Variants in IL1RAPL1 observed in about 807,000 individuals in gnomAD.
IL1RAPL1 encodes interleukin 1 receptor accessory protein like 1.
IL1RAPL1 carries 3 observed loss-of-function variants against 48.4 expected under a neutral mutation model. The observed-to-expected ratio is 0.06, with a 90% CI of 0.03 to 0.16. The LOEUF (loss-of-function observed/expected upper bound fraction) is 0.16. Ranked by LOEUF, IL1RAPL1 falls within the 10% of genes least tolerant of loss-of-function variation. IL1RAPL1 has a pLI of 1.00. For synonymous variants in IL1RAPL1, 185 were observed against 187.7 expected (o/e 0.99, Z 0.12); for missense variants, 349 against 530.6 (o/e 0.66, Z 3.36).
chrX:29,591,514 G>A (rs1923369909), intron 5 of IL1RAPL1, among the ~76,000 whole-genome samples: 1 of 112,032 alleles, frequency 8.9e-6, no homozygotes, highest in African/African-American at 3.2e-5. Context: ...AGGAGCAGAG[G>A]GGGCACCATA....
chrX:29,057,234 A>G (rs1431651109), intron 2 of IL1RAPL1, among the ~76,000 whole-genome samples: 3 of 110,813 alleles, frequency 2.7e-5, no homozygotes, highest in Non-Finnish European at 5.7e-5. Flanking sequence ...TTCTCTTTTG[A>G]TTTATAGCTT....
intron 2 of IL1RAPL1, among the ~76,000 whole-genome samples, chrX:29,233,814 G>A (rs1931243328): frequency 8.9e-6 from 1 of 112,551 alleles, no homozygotes; most frequent in African/African-American, 3.2e-5. Flanking sequence ...TTTATCAGGT[G>A]AAAGCCCCTA....
intron 1 of IL1RAPL1, among the ~76,000 whole-genome samples, chrX:28,737,887 G>A (rs1401076792): frequency 1.8e-5 from 2 of 111,089 alleles, no homozygotes; most frequent in Non-Finnish European, 3.8e-5. Flanking sequence ...AGTTGAATGA[G>A]GCAACCAATG....
chrX:28,981,915 C>G (rs961306291), intron 2 of IL1RAPL1, among the ~76,000 whole-genome samples: 9 of 111,616 alleles, frequency 8.1e-5, no homozygotes, highest in African/African-American at 2.9e-4. Context: ...GTTCATACCC[C>G]CTCTCCCATC....
intron 2 of IL1RAPL1, among the ~76,000 whole-genome samples, chrX:28,864,856 C>T (rs1038430108): frequency 4.5e-5 from 5 of 110,966 alleles, no homozygotes; most frequent in African/African-American, 1.6e-4. Context: ...TTAAAGTTTT[C>T]CCAAGACCCT....
At chrX:29,835,914 G>A (rs1353898084) in intron 6 of IL1RAPL1, among the ~76,000 whole-genome samples, 1 of 98,111 alleles carries the variant, frequency 1.0e-5, no homozygotes, top group Non-Finnish European at 2.0e-5. Flanking sequence ...GTTAGTCTAG[G>A]TAAAGGGTTG....
At chrX:29,382,083 G>A (rs1472487760) in intron 3 of IL1RAPL1, among the ~76,000 whole-genome samples, 4 of 109,573 alleles carry the variant, frequency 3.7e-5, no homozygotes, top group Non-Finnish European at 5.7e-5. Context: ...GAACAGAAGG[G>A]TTTTGAGAGT....
In IL1RAPL1 at chrX:29,921,164, C is replaced by T. The variant is rs781096090; in HGVS notation, c.1057+1070C>T. ...ATAAGTGACAACTGTAAAATGTGAG[C>T]CATTCCTGTTAGTAAAATTGTTTGT... On this transcript the variant is annotated intron_variant, in intron 8 of 10. Transcript: ENST00000378993. 1.7e-4 allele frequency among the ~76,000 whole-genome samples: 19 copies of T among 112,098 alleles called. No individual in the cohort carries two copies. The South Asian group carries it at 4.8e-3, about 28-fold the overall frequency.
rs760549204 is a variant in IL1RAPL1, at chrX:29,652,250, G to A, written c.704-16180G>A. Among the ~76,000 whole-genome samples the A allele has an allele frequency of 3.1e-4, 35 of 111,974 alleles. 1 individual carries two copies. The highest frequency in any genetic ancestry group is 4.6e-3 in the Middle Eastern group (1 of 218). On this transcript the variant is annotated intron_variant, in intron 5 of 10. Transcript: ENST00000378993. ...AAGTTTAGAAATTTATTCTTAGTGC[G>A]TTTACAATCTCAATGGAAAGTTAAA...
chrX:29,482,064 T>C (rs1399357246), intron 5 of IL1RAPL1, among the ~76,000 whole-genome samples: 1 of 111,803 alleles, frequency 8.9e-6, no homozygotes, highest in African/African-American at 3.3e-5. Context: ...TATTCTATAA[T>C]ACCTGAAGGA....
At chrX:29,268,327 T>G (rs1602143940) in intron 2 of IL1RAPL1, among the ~76,000 whole-genome samples, 1 of 112,241 alleles carries the variant, frequency 8.9e-6, no homozygotes, top group East Asian at 2.8e-4. Context: ...AGTATGTGAT[T>G]GACTATTTCA....
chrX:29,096,263 A>C (rs574375142), intron 2 of IL1RAPL1, among the ~76,000 whole-genome samples: 1 of 111,849 alleles, frequency 8.9e-6, no homozygotes, highest in East Asian at 2.8e-4. Flanking sequence ...TGCTTTAATT[A>C]AACAGCTTCA....
At chrX:29,668,789 G>A (rs1170306134) in intron 6 of IL1RAPL1, among the ~76,000 whole-genome samples, 4 of 111,064 alleles carry the variant, frequency 3.6e-5, no homozygotes, top group African/African-American at 6.5e-5. Context: ...TGTCTTACAA[G>A]GTTTGAATTG....
intron 2 of IL1RAPL1, among the ~76,000 whole-genome samples, chrX:29,015,931 A>G (rs1340301830): frequency 8.9e-6 from 1 of 112,288 alleles, no homozygotes; most frequent in South Asian, 3.6e-4. Context: ...TGCTGGGGAA[A>G]GAGGTATACA....
At chrX:29,015,643 G>T (rs1358057946) in intron 2 of IL1RAPL1, among the ~76,000 whole-genome samples, 1 of 110,616 alleles carries the variant, frequency 9.0e-6, no homozygotes, top group Non-Finnish European at 1.9e-5. Flanking sequence ...TATTTGCAAG[G>T]CCACTCAAAT....
At chrX:28,756,071 CTATT>C (rs1423042176) in intron 1 of IL1RAPL1, among the ~76,000 whole-genome samples, 2 of 111,679 alleles carry the variant, frequency 1.8e-5, no homozygotes, top group African/African-American at 3.3e-5. Flanking sequence ...ATTTCTTCCT[CTATT>C]TATTTAATCA....
intron 2 of IL1RAPL1, among the ~76,000 whole-genome samples, chrX:28,853,648 C>T (rs963055613): frequency 1.3e-5 from 1 of 76,641 alleles, no homozygotes; most frequent in Non-Finnish European, 2.2e-5. Context: ...TACTTTATAA[C>T]CAAAATGAGG....
intron 2 of IL1RAPL1, among the ~76,000 whole-genome samples, chrX:29,204,550 C>G (rs967053940): frequency 2.7e-5 from 3 of 111,358 alleles, no homozygotes; most frequent in African/African-American, 9.8e-5. Flanking sequence ...CTATTCAGGT[C>G]TTTTGCTTAT....
At chrX:28,722,207 T>C (rs1463004318) in intron 1 of IL1RAPL1, among the ~76,000 whole-genome samples, 97 of 111,880 alleles carry the variant, frequency 8.7e-4, no homozygotes, top group African/African-American at 3.0e-3. Flanking sequence ...TTTCATGATA[T>C]TAATTCTTCC....
Sources: allele counts gnomAD v4.1 joint callset (sites outside exome capture counted in the v4.1 genomes callset), GRCh38; gene constraint gnomAD v4.1.1; transcripts MANE v1.5; gene names NCBI Gene and HGNC (gene_info 2026-07-23, HGNC 2026-07-21).